GPR55: variants seen among roughly 807,000 people sequenced by gnomAD.
The protein encoded by GPR55 is G protein-coupled receptor 55, also known as G-protein coupled receptor 55.
In GPR55, 6 loss-of-function variants were observed where a neutral mutation model predicts 7.9. The ratio of observed to expected loss-of-function variants is 0.76; its 90% confidence interval spans 0.41 to 1.49. The LOEUF is 1.49. GPR55 is among the 40% of genes most tolerant of loss of function. The pLI is 0.01. For missense variants in GPR55, 376 were observed against 406.0 expected, an observed-to-expected ratio of 0.93 and a Z score of 0.63; for synonymous variants, 183 against 166.8, an observed-to-expected ratio of 1.10 and a Z score of -0.75.
intron 1 of GPR55, among the ~76,000 whole-genome samples, chr2:230,941,265 C>A (rs1691228891): frequency 6.6e-6 from 1 of 152,158 alleles, no homozygotes; most frequent in Non-Finnish European, 1.5e-5. Flanking sequence ...CCTGACCTGG[C>A]TGGCTGCTGG....
At chr2:230,938,323 T>C (rs1691164913) in intron 1 of GPR55, among the ~76,000 whole-genome samples, 1 of 150,248 alleles carries the variant, frequency 6.7e-6, no homozygotes, top group African/African-American at 2.5e-5. Flanking sequence ...CTTTAAAAGA[T>C]GATGTAATAC....
At chr2:230,943,044 AGAGGAGAGAG>A (rs1459533596) in intron 1 of GPR55, among the ~76,000 whole-genome samples, 2 of 149,624 alleles carry the variant, frequency 1.3e-5, no homozygotes, top group African/African-American at 5.0e-5. Context: ...AGAGACGAGA[AGAGGAGAGAG>A]GAGGGAGAGA....
At chr2:230,945,960 G>T (rs567294571) in intron 1 of GPR55, among the ~76,000 whole-genome samples, 6 of 152,204 alleles carry the variant, frequency 3.9e-5, no homozygotes, top group Admixed American at 2.6e-4. Context: ...ACCAAGATAG[G>T]GAAACAGCCT....
chr2:230,948,128 C>T (rs554744681), intron 1 of GPR55, among the ~76,000 whole-genome samples: 1 of 150,388 alleles, frequency 6.6e-6, no homozygotes, highest in East Asian at 2.0e-4. Context: ...CCCACAGCTT[C>T]CTCCCTTGGT....
intron 1 of GPR55, chr2:230,957,782 T>C (rs926566085): frequency 3.0e-4 from 164 of 553,570 alleles, no homozygotes; most frequent in Non-Finnish European, 4.5e-4. Flanking sequence ...GATGTTGGAG[T>C]AGGAGGATTT....
chr2:230,936,367 C>T (rs1397168240), intron 1 of GPR55, among the ~76,000 whole-genome samples: 1 of 152,166 alleles, frequency 6.6e-6, no homozygotes, highest in Non-Finnish European at 1.5e-5. Context: ...TACCCTCATC[C>T]TGTTCTCATG....
chr2:230,938,816 CA>C (rs1360384930), intron 1 of GPR55, among the ~76,000 whole-genome samples: 5 of 152,164 alleles, frequency 3.3e-5, no homozygotes, highest in Admixed American at 2.0e-4. Context: ...GGGCAGGAGA[CA>C]AAAAGCCTCT....
intron 1 of GPR55, among the ~76,000 whole-genome samples, chr2:230,931,032 C>A (rs969900716): frequency 6.6e-6 from 1 of 152,290 alleles, no homozygotes. Flanking sequence ...ACCTACCCGC[C>A]ACTCCCCCGG....
intron 1 of GPR55, among the ~76,000 whole-genome samples, chr2:230,934,792 A>G (rs1001880932): frequency 6.6e-6 from 1 of 152,030 alleles, no homozygotes; most frequent in Non-Finnish European, 1.5e-5. Flanking sequence ...AGTCCCTAAG[A>G]GTGAAGAGCC....
intron 1 of GPR55, among the ~76,000 whole-genome samples, chr2:230,920,483 ATT>A (rs201088458): frequency 6.6e-6 from 1 of 152,058 alleles, no homozygotes; most frequent in African/African-American, 2.4e-5. Context: ...CTGATTCATG[ATT>A]TTTTTAAAAA....
chr2:230,928,842 C>T (rs1381268211), upstream of GPR55, among the ~76,000 whole-genome samples: 2 of 152,140 alleles, frequency 1.3e-5, no homozygotes, highest in African/African-American at 4.8e-5. Flanking sequence ...CACCTGCCCC[C>T]ACCCTCTGCT....
intron 1 of GPR55, among the ~76,000 whole-genome samples, chr2:230,955,523 T>C (rs907444182): frequency 2.6e-5 from 4 of 152,230 alleles, no homozygotes; most frequent in Non-Finnish European, 5.9e-5. Context: ...TTCCAGTGAC[T>C]AAATCTGGTA....
chr2:230,919,878 T>C (rs1176784691), intron 1 of GPR55, among the ~76,000 whole-genome samples: 2 of 152,098 alleles, frequency 1.3e-5, no homozygotes, highest in Non-Finnish European at 2.9e-5. Flanking sequence ...TGTCTGACTG[T>C]TATGTTTATG....
chr2:230,948,332 C>A (rs1691350685), intron 1 of GPR55, among the ~76,000 whole-genome samples: 1 of 152,186 alleles, frequency 6.6e-6, no homozygotes, highest in Admixed American at 6.5e-5. Flanking sequence ...ACCTCTGGGT[C>A]TGGGTGGCTG....
rs1222756258 is a variant in GPR55, at chr2:230,925,198, TGA to T, written c.-167_-166del. The T allele has an allele frequency of 6.5e-6, 1 of 152,734 alleles. No homozygotes were observed. Among genetic ancestry groups the T allele is most frequent in the Non-Finnish European group, 1.5e-5 (1 of 68,096 alleles). The allele number at this position is 152,734 out of a possible 1,614,324, so 9.5% of individuals were successfully genotyped here. A position where few individuals can be genotyped will look rare whatever the true frequency, so the allele number is the denominator to read the frequency against. On this transcript the variant is annotated 5_prime_UTR_variant, in exon 1 of 2. The change abolishes the stop of an existing upstream ORF in the 5' untranslated region. Transcript: ENST00000650999. ...GGTGGTCCGGTGCAGCTGAGAGGGC[TGA>T]GAGATGTCATTTCTCCTCCAGGCCT... is the stretch of plus-strand genomic sequence containing the variant.
upstream of GPR55, chr2:230,961,076 A>C (rs1691558926): frequency 1.3e-5 from 2 of 152,216 alleles, no homozygotes; most frequent in Admixed American, 1.3e-4. Flanking sequence ...TGTTCTCCTT[A>C]AGTGTTCTCA....
intron 1 of GPR55, among the ~76,000 whole-genome samples, chr2:230,959,651 C>T (rs2125073358): frequency 7.9e-6 from 1 of 126,306 alleles, no homozygotes; most frequent in Non-Finnish European, 1.7e-5. Context: ...CAGCCACATT[C>T]CTAAAGCACT....
At chr2:230,934,723 T>C (rs1054031584) in intron 1 of GPR55, among the ~76,000 whole-genome samples, 1 of 151,944 alleles carries the variant, frequency 6.6e-6, no homozygotes, top group East Asian at 1.9e-4. Context: ...CTGTTCTGGT[T>C]TGCCCAGAAT....
In GPR55 at chr2:230,910,160, A is replaced by G; in HGVS notation, c.803T>C (p.Phe268Ser). 3.7e-6 allele frequency: 6 copies of G among 1,614,144 alleles called. No homozygotes were observed. The highest frequency in any genetic ancestry group is 5.1e-6 in the Non-Finnish European group (6 of 1,179,972). ...VECRAKQSIS[F>S]FLQLSMCFSN... is the part of the protein sequence containing the mutation. ...GAAACACATGGACAATTGCAAGAAG[A>G]AGCTGATGCTCTGCTTGGCTCTGCA... Residue 268 changes from phenylalanine (F) to serine (S), a missense_variant, in exon 2 of 2, where the codon TTC becomes TCC. Physicochemically the swap from Phe to Ser is radical, Grantham distance 155. Transcript: ENST00000650999. The surrounding 1 kb of genome is among the most constrained non-coding windows in gnomAD (Gnocchi z 5.4).
Sources: allele counts gnomAD v4.1 joint callset (sites outside exome capture counted in the v4.1 genomes callset), GRCh38; gene constraint gnomAD v4.1.1; non-coding constraint Gnocchi (gnomAD v3.1); transcripts MANE v1.5; gene names NCBI Gene and HGNC (gene_info 2026-07-23, HGNC 2026-07-21).